The following BMAL2 variants were observed in gnomAD, a reference collection of about 807,000 sequenced individuals.
BMAL2 encodes the protein basic helix-loop-helix ARNT-like protein 2.
At chr12:27,372,183 G>T in the BMAL2 span, among the ~76,000 whole-genome samples, 1 of 148,204 alleles carries the variant, frequency 6.7e-6, no homozygotes, top group Non-Finnish European at 1.5e-5. Context: ...GTGAGCCAAG[G>T]TCGTGCCACT....
the BMAL2 span, among the ~76,000 whole-genome samples, chr12:27,412,328 C>T: frequency 3.3e-5 from 5 of 152,124 alleles, no homozygotes; most frequent in Non-Finnish European, 7.4e-5. Context: ...AAAACAGAGA[C>T]TCAATTGAGA....
the BMAL2 span, among the ~76,000 whole-genome samples, chr12:27,418,891 A>G: frequency 6.6e-6 from 1 of 151,950 alleles, no homozygotes; most frequent in Admixed American, 6.6e-5. Flanking sequence ...AGACAGGAAA[A>G]TCGCTTGAAC....
the BMAL2 span, among the ~76,000 whole-genome samples, chr12:27,348,471 A>AT: frequency 2.6e-4 from 39 of 151,536 alleles, no homozygotes; most frequent in East Asian, 1.7e-3. Flanking sequence ...GGTAACATTT[A>AT]TTTTTTTTTA....
chr12:27,368,500 C>T, the BMAL2 span: 2 of 1,468,710 alleles, frequency 1.4e-6, no homozygotes, highest in African/African-American at 1.4e-5. Flanking sequence ...TAATTATTTC[C>T]AAGTTCATGG....
At chr12:27,342,986 A>G in the BMAL2 span, among the ~76,000 whole-genome samples, 1 of 152,348 alleles carries the variant, frequency 6.6e-6, no homozygotes, top group East Asian at 1.9e-4. Flanking sequence ...TCTTAGAGGG[A>G]TGTTCAATTC....
the BMAL2 span, among the ~76,000 whole-genome samples, chr12:27,365,051 GTCAA>G: frequency 1.3e-5 from 2 of 151,870 alleles, no homozygotes; most frequent in Non-Finnish European, 2.9e-5. Context: ...TTTCTATGTA[GTCAA>G]TCATATCATT....
At chr12:27,371,657 A>G in the BMAL2 span, among the ~76,000 whole-genome samples, 1 of 152,160 alleles carries the variant, frequency 6.6e-6, no homozygotes. Context: ...TCAGATTTAT[A>G]TTTTTTAAAG....
chr12:27,341,044 C>T, the BMAL2 span, among the ~76,000 whole-genome samples: 1 of 152,196 alleles, frequency 6.6e-6, no homozygotes, highest in East Asian at 1.9e-4. Flanking sequence ...AGAATCATGT[C>T]ATCTGCAAAA....
At chr12:27,339,285 A>G in the BMAL2 span, among the ~76,000 whole-genome samples, 6 of 152,328 alleles carry the variant, frequency 3.9e-5, no homozygotes, top group East Asian at 9.6e-4. Context: ...TGCAGAGGAC[A>G]TGATCTCATT....
At chr12:27,336,970 A>G in the BMAL2 span, among the ~76,000 whole-genome samples, 8 of 147,446 alleles carry the variant, frequency 5.4e-5, no homozygotes, top group South Asian at 2.2e-4. Context: ...AAAAAAAAAA[A>G]GTATTTTAAA....
chr12:27,357,345 C>T, the BMAL2 span, among the ~76,000 whole-genome samples: 7 of 152,112 alleles, frequency 4.6e-5, no homozygotes, highest in South Asian at 1.5e-3. Flanking sequence ...AACTACAAAG[C>T]ACTACTGAAA....
the BMAL2 span, among the ~76,000 whole-genome samples, chr12:27,407,863 G>A: frequency 1.3e-5 from 2 of 151,846 alleles, no homozygotes; most frequent in African/African-American, 4.8e-5. Flanking sequence ...TAATAAAGAA[G>A]AAAAGAGAGA....
chr12:27,400,967 C>G, the BMAL2 span, among the ~76,000 whole-genome samples: 2 of 152,068 alleles, frequency 1.3e-5, no homozygotes, highest in Admixed American at 6.6e-5. Context: ...GGAAGAGTGT[C>G]TCTTAGCCAG....
chr12:27,378,697 G>A, the BMAL2 span, among the ~76,000 whole-genome samples: 1 of 152,094 alleles, frequency 6.6e-6, no homozygotes, highest in Non-Finnish European at 1.5e-5. Flanking sequence ...TTATGCAAGG[G>A]GATTAGGTGA....
At chr12:27,375,643 T>C in the BMAL2 span, among the ~76,000 whole-genome samples, 1 of 152,222 alleles carries the variant, frequency 6.6e-6, no homozygotes, top group African/African-American at 2.4e-5. Flanking sequence ...TGGGTGCTTT[T>C]CCTGGAATTT....
chr12:27,360,803 CAA>C, the BMAL2 span, among the ~76,000 whole-genome samples: 52 of 46,790 alleles, frequency 1.1e-3, no homozygotes, highest in South Asian at 6.2e-3. Flanking sequence ...GTGATTTGTC[CAA>C]AAAAAAAAAA....
chr12:27,380,273 G>A, the BMAL2 span: 19 of 1,614,124 alleles, frequency 1.2e-5, no homozygotes, highest in East Asian at 2.2e-5. Flanking sequence ...ACTGAAAAGC[G>A]GAGGAGAGAT....
At chr12:27,422,556 T>C in the BMAL2 span, 2 of 152,058 alleles carry the variant, frequency 1.3e-5, no homozygotes, top group South Asian at 2.1e-4. Flanking sequence ...GTCCCAGCAA[T>C]GTTGGAGGGT....
chr12:27,342,596 G>T, the BMAL2 span, among the ~76,000 whole-genome samples: 1 of 152,194 alleles, frequency 6.6e-6, no homozygotes, highest in South Asian at 2.1e-4. Context: ...GAAAAGTTTT[G>T]ATGAAACAGT....
Sources: gnomAD v4.1 joint callset for allele counts (sites outside exome capture counted in the v4.1 genomes callset) on GRCh38, gnomAD v4.1.1 for gene constraint, MANE v1.5 for transcripts, NCBI Gene and HGNC (gene_info 2026-07-23, HGNC 2026-07-21) for gene names.